ARFGEF2: variants seen among roughly 807,000 people sequenced by gnomAD.
ARFGEF2 encodes brefeldin A-inhibited guanine nucleotide-exchange protein 2.
ARFGEF2 carries 74 observed loss-of-function variants against 219.9 expected under a neutral mutation model. That is an observed-to-expected ratio of 0.34 (90% CI 0.28 to 0.41). ARFGEF2 has a LOEUF of 0.41. Ranked by LOEUF, ARFGEF2 falls within the 10% of genes least tolerant of loss-of-function variation. ARFGEF2 has a pLI of 1.00. For synonymous variants in ARFGEF2, 733 were observed against 799.2 expected, an observed-to-expected ratio of 0.92 and a Z score of 1.40; for missense variants, 1,743 against 2,218.3, an observed-to-expected ratio of 0.79 and a Z score of 4.30.
rs1290598848 is a variant in ARFGEF2, at chr20:48,965,908, G to T, written c.944G>T (p.Arg315Ile). ...AAGCATGGTCTGACAGAACCTGAGA[G>T]AGTTCTAGGTGAACTGGAGTGCCAG... ...AEKHGLTEPE[R>I]VLGELECQEC... The change falls in exon 8 of 39, where the codon AGA becomes ATA. Residue 315 changes from arginine (R) to isoleucine (I), a missense_variant. This residue lies in a region of ARFGEF2 where 394 missense variants were observed against 426.6 expected (regional missense o/e 0.92). Transcript: ENST00000371917. The T allele has an allele frequency of 3.7e-6, 6 of 1,614,126 alleles. No homozygotes were observed. The highest frequency in any genetic ancestry group is 5.1e-6 in the Non-Finnish European group (6 of 1,180,050).
At position 49,033,320 on chromosome 20, in the gene ARFGEF2, T is replaced by C; in HGVS notation, c.*121T>C. 4.6e-6 allele frequency: 5 copies of C among 1,081,920 alleles called. No individual in the cohort carries two copies. 67.0% of individuals were successfully genotyped at this position (1,081,920 alleles called of 1,614,324 possible). A position where few individuals can be genotyped will look rare whatever the true frequency, so the allele number is the denominator to read the frequency against. Reference sequence around the variant, plus strand: ...TGGCATCTTGGATCTCAGAATGGCCTGGAAACGGATGGCCTCTACGCTGTT... The same window carrying C: ...TGGCATCTTGGATCTCAGAATGGCCCGGAAACGGATGGCCTCTACGCTGTT... On this transcript the variant is annotated 3_prime_UTR_variant, in exon 39 of 39. Coordinates refer to ENST00000371917, the MANE Select transcript of ARFGEF2 (RefSeq NM_006420.3).
chr20:48,992,937 C>A (rs2091365484), intron 21 of ARFGEF2, among the ~76,000 whole-genome samples: 1 of 152,036 alleles, frequency 6.6e-6, no homozygotes, highest in African/African-American at 2.4e-5. Context: ...GTAGTCCCAG[C>A]TACTCAGGAG....
At chr20:48,936,529 CTCT>C (rs2090959210) in intron 1 of ARFGEF2, among the ~76,000 whole-genome samples, 1 of 151,986 alleles carries the variant, frequency 6.6e-6, no homozygotes, top group South Asian at 2.1e-4. Flanking sequence ...CCTCACTTCT[CTCT>C]TTTTTTTTTG....
At chr20:48,925,645 G>A (rs2090872135) in intron 1 of ARFGEF2, among the ~76,000 whole-genome samples, 1 of 152,162 alleles carries the variant, frequency 6.6e-6, no homozygotes, top group African/African-American at 2.4e-5. Flanking sequence ...AGACCAGCCT[G>A]TGCAACATGG....
intron 26 of ARFGEF2, among the ~76,000 whole-genome samples, chr20:49,009,629 A>C (rs1356426914): frequency 6.6e-6 from 1 of 152,334 alleles, no homozygotes; most frequent in Admixed American, 6.5e-5. Flanking sequence ...CAGCTGTTCC[A>C]GAAAATCAGC....
At chr20:48,996,423 C>G (rs574286510) in intron 23 of ARFGEF2, among the ~76,000 whole-genome samples, 12 of 144,596 alleles carry the variant, frequency 8.3e-5, no homozygotes, top group African/African-American at 2.8e-4. Flanking sequence ...CCACTGCACT[C>G]TAGCCTAGGC....
intron 13 of ARFGEF2, among the ~76,000 whole-genome samples, chr20:48,975,430 C>G (rs1487707588): frequency 6.6e-6 from 1 of 152,188 alleles, no homozygotes; most frequent in African/African-American, 2.4e-5. Flanking sequence ...TCTTGTAGGG[C>G]AAGTCCTCCT....
At chr20:48,998,029 T>A in intron 23 of ARFGEF2, 164 bp from the exon 24 acceptor site, 3 of 663,536 alleles carry the variant, frequency 4.5e-6, no homozygotes, top group Non-Finnish European at 8.2e-6. Flanking sequence ...AGCTAATTTT[T>A]TGTATTTTTT....
At chr20:48,928,922 G>A (rs993236542) in intron 1 of ARFGEF2, among the ~76,000 whole-genome samples, 88 of 152,344 alleles carry the variant, frequency 5.8e-4, no homozygotes, top group African/African-American at 2.0e-3. Flanking sequence ...AATGAATTTA[G>A]AGCTCTATCC....
intron 1 of ARFGEF2, 148 bp downstream of exon 1, chr20:48,922,158 G>T: frequency 7.6e-7 from 1 of 1,322,098 alleles, no homozygotes. Flanking sequence ...TTATACCCCC[G>T]GAGGAAGTGT....
intron 6 of ARFGEF2, among the ~76,000 whole-genome samples, chr20:48,955,689 C>T (rs1236029263): frequency 6.6e-6 from 1 of 152,200 alleles, no homozygotes; most frequent in Non-Finnish European, 1.5e-5. Flanking sequence ...GTGAGACTTT[C>T]CCAGGAACAT....
At chr20:49,001,286 C>T (rs955239355) in intron 25 of ARFGEF2, among the ~76,000 whole-genome samples, 2 of 152,016 alleles carry the variant, frequency 1.3e-5, no homozygotes, top group Admixed American at 6.6e-5. Context: ...GTGATCTGCT[C>T]GCCTCAGCCT....
chr20:49,031,934 T>A, intron 37 of ARFGEF2, 115 bp from the exon 38 acceptor site: 1 of 889,688 alleles, frequency 1.1e-6, no homozygotes, highest in Admixed American at 1.9e-5. Flanking sequence ...AAAAAAGTAA[T>A]TAAAAAAAAC....
intron 1 of ARFGEF2, among the ~76,000 whole-genome samples, chr20:48,933,951 C>T (rs6095367): frequency 0.36 from 54,534 of 151,554 alleles, 10,664 homozygotes; most frequent in African/African-American, 0.53. Context: ...GAAACCCTGT[C>T]TCTACTAAAA....
At position 49,035,257 on chromosome 20, in the gene ARFGEF2, G is replaced by A. The variant is rs2091660286; in HGVS notation, c.*2058G>A. On this transcript the variant is annotated 3_prime_UTR_variant, in exon 39 of 39. Coordinates refer to ENST00000371917, the MANE Select transcript of ARFGEF2 (RefSeq NM_006420.3). The stretch of plus-strand genomic sequence containing the variant: ...ATCGGATGTGACTAAAATTTTTCTG[G>A]TGTCTTCTGCCCTCTCTTTAATTTT... 1 of 152,124 alleles carries A rather than the reference G, an allele frequency of 6.6e-6. No homozygotes were observed. 9.4% of individuals were successfully genotyped at this position (152,124 alleles called of 1,614,324 possible).
At chr20:48,935,384 A>T (rs1035669722) in intron 1 of ARFGEF2, among the ~76,000 whole-genome samples, 3 of 152,112 alleles carry the variant, frequency 2.0e-5, no homozygotes, top group African/African-American at 7.2e-5. Flanking sequence ...GATACAGCAC[A>T]TGTTTCAGAG....
At chr20:48,936,664 A>G (rs2090960246) in intron 1 of ARFGEF2, among the ~76,000 whole-genome samples, 1 of 152,116 alleles carries the variant, frequency 6.6e-6, no homozygotes. Flanking sequence ...AGCTGGGACT[A>G]CAGGCGTGCA....
At chr20:49,023,653 C>T (rs1045492477) in intron 35 of ARFGEF2, among the ~76,000 whole-genome samples, 3 of 151,258 alleles carry the variant, frequency 2.0e-5, no homozygotes, top group African/African-American at 7.3e-5. Flanking sequence ...ATTCTCCTGC[C>T]TCAGCCTCCC....
intron 35 of ARFGEF2, 80 bp downstream of exon 35, chr20:49,023,261 T>C (rs2123557554): frequency 6.4e-7 from 1 of 1,557,974 alleles, no homozygotes; most frequent in Non-Finnish European, 8.8e-7. Flanking sequence ...GAAGCCAGCT[T>C]GTACTGGCTT....
Sources: allele counts gnomAD v4.1 joint callset (sites outside exome capture counted in the v4.1 genomes callset), GRCh38; gene constraint gnomAD v4.1.1; regional missense constraint gnomAD v4.1.1; transcripts MANE v1.5; gene names NCBI Gene and HGNC (gene_info 2026-07-23, HGNC 2026-07-21).